Variants in LAMB4 observed in about 807,000 individuals in gnomAD.
LAMB4 encodes laminin subunit beta 4.
In LAMB4, 196 loss-of-function variants were observed where a neutral mutation model predicts 199.2. That is an observed-to-expected ratio of 0.98 (90% CI 0.88 to 1.11). The LOEUF (loss-of-function observed/expected upper bound fraction) is 1.11. Ranked by LOEUF, LAMB4 falls within the 50% of genes least tolerant of loss-of-function variation. LAMB4 has a pLI of 0.00. For synonymous variants in LAMB4, 744 were observed against 770.6 expected, an observed-to-expected ratio of 0.97 and a Z score of 0.57; for missense variants, 2,080 against 2,171.2, an observed-to-expected ratio of 0.96 and a Z score of 0.83.
At chr7:108,069,981 T>C in intron 17 of LAMB4, 96 bp from the exon 18 acceptor site, 1 of 941,972 alleles carries the variant, frequency 1.1e-6, no homozygotes, top group Non-Finnish European at 1.6e-6. Context: ...AAATAATGGT[T>C]CAAAGAAGAC....
intron 10 of LAMB4, among the ~76,000 whole-genome samples, chr7:108,101,237 C>G (rs1356465707): frequency 6.6e-6 from 1 of 152,152 alleles, no homozygotes; most frequent in Non-Finnish European, 1.5e-5. Context: ...CCGTTCAAGT[C>G]CCCACTGGCT....
chr7:108,091,423 G>T (rs865822132), intron 14 of LAMB4, among the ~76,000 whole-genome samples: 1 of 152,102 alleles, frequency 6.6e-6, no homozygotes, highest in South Asian at 2.1e-4. Context: ...GTAGACCTGG[G>T]ATACAAAGAT....
In LAMB4 at chr7:108,023,904, G is replaced by A; in HGVS notation, c.*135C>T. On this transcript the variant is annotated 3_prime_UTR_variant, in exon 34 of 34. Transcript: ENST00000388781. Reference sequence around the variant, plus strand: ...TTTCAACCTCCAGCCACACTGAGCAGGTGTCTAATAAGGACAGGGTGTGGG... The same window carrying A: ...TTTCAACCTCCAGCCACACTGAGCAAGTGTCTAATAAGGACAGGGTGTGGG... 1.8e-6 allele frequency: 1 copy of A among 560,534 alleles called. No homozygotes were observed. The highest frequency in any genetic ancestry group is 2.9e-6 in the Non-Finnish European group (1 of 348,368). The allele number at this position is 560,534 out of a possible 1,614,324, so 34.7% of individuals were successfully genotyped here. A position where few individuals can be genotyped will look rare whatever the true frequency, so the allele number is the denominator to read the frequency against.
chr7:108,049,152 C>T (rs1449690107), intron 27 of LAMB4, among the ~76,000 whole-genome samples, 174 bp downstream of exon 27: 1 of 150,580 alleles, frequency 6.6e-6, no homozygotes, highest in Non-Finnish European at 1.5e-5. Context: ...AAAAATAAGG[C>T]TTTTTATAGT....
chr7:108,073,296 G>A (rs1036688857), intron 17 of LAMB4, among the ~76,000 whole-genome samples: 2 of 152,196 alleles, frequency 1.3e-5, no homozygotes, highest in South Asian at 2.1e-4. Context: ...GTAAGCCACC[G>A]CGCCCGGCCA....
At chr7:108,106,992 T>C (rs1468697518) in intron 6 of LAMB4, among the ~76,000 whole-genome samples, 1 of 152,146 alleles carries the variant, frequency 6.6e-6, no homozygotes, top group Non-Finnish European at 1.5e-5. Flanking sequence ...GGAGCAGAAA[T>C]AAATGAAAGG....
In LAMB4 at chr7:108,063,425, T is replaced by G. The variant is rs574414805; in HGVS notation, c.3061+336A>C. Among the ~76,000 whole-genome samples the G allele has an allele frequency of 2.0e-5, 3 of 152,296 alleles. No individual in the cohort carries two copies. The East Asian group carries it at 5.8e-4, about 29-fold the overall frequency. The stretch of plus-strand genomic sequence containing the variant: ...TACAGCCTAGGAATTTGCATGTTAA[T>G]ACACCTCACCTCCCCACTGCTCTGG... On this transcript the variant is annotated intron_variant, in intron 22 of 33. Transcript: ENST00000388781.
At chr7:108,076,820 G>T in intron 17 of LAMB4, 124 bp downstream of exon 17, 2 of 1,024,698 alleles carry the variant, frequency 2.0e-6, no homozygotes, top group Non-Finnish European at 2.9e-6. Flanking sequence ...ATGCTATTAG[G>T]TGGCTTTTAT....
At chr7:108,122,994 A>G (rs2038651914) in intron 2 of LAMB4, 137 bp downstream of exon 2, 7 of 670,714 alleles carry the variant, frequency 1.0e-5, no homozygotes, top group Middle Eastern at 8.2e-4. Context: ...GCTTGACACA[A>G]TTACACAACA....
chr7:108,057,973 TAA>T, intron 23 of LAMB4, 45 bp from the exon 24 acceptor site: 1 of 1,267,926 alleles, frequency 7.9e-7, no homozygotes, highest in Non-Finnish European at 1.1e-6. Context: ...TTTTATGGTC[TAA>T]AAAAAAATGC....
downstream of LAMB4, among the ~76,000 whole-genome samples, chr7:108,019,548 C>T (rs2034646903): frequency 6.6e-6 from 1 of 152,114 alleles, no homozygotes; most frequent in African/African-American, 2.4e-5. Context: ...GCCTCTCCCA[C>T]AAACGACAAA....
In LAMB4 at chr7:108,029,121, A is replaced by C; in HGVS notation, c.5068T>G (p.Leu1690Val). ...TSTTGLTKET[L>V]GKVKQLKDAA... Reference sequence around the variant, plus strand: ...TCTTTTAGCTGTTTAACTTTTCCTAATGTCTCCTTTGTTAGTCCTGTAGTG... The same window carrying C: ...TCTTTTAGCTGTTTAACTTTTCCTACTGTCTCCTTTGTTAGTCCTGTAGTG... Residue 1690 changes from leucine to valine, a missense_variant, in exon 33 of 34, where the codon TTA (leucine) becomes GTA (valine). Physicochemically the swap from Leu to Val is conservative, Grantham distance 32. Coordinates refer to ENST00000388781, the MANE Select transcript of LAMB4 (RefSeq NM_007356.3). 3 of 1,613,992 alleles carry C rather than the reference A, an allele frequency of 1.9e-6. No homozygotes were observed. The highest frequency in any genetic ancestry group is 3.3e-4 in the Middle Eastern group (2 of 6,062).
chr7:108,053,834 T>C (rs1442858679), intron 25 of LAMB4, among the ~76,000 whole-genome samples: 4 of 152,200 alleles, frequency 2.6e-5, no homozygotes, highest in Non-Finnish European at 5.9e-5. Flanking sequence ...TTGTGGTCCA[T>C]GGGCCAAAGC....
rs1445456927 is a variant in LAMB4 at position 108,043,769 on chromosome 7, A to C, written c.4454T>G (p.Val1485Gly). 3.2e-6 allele frequency: 5 copies of C among 1,581,548 alleles called. No individual in the cohort carries two copies. The highest frequency in any genetic ancestry group is 4.3e-6 in the Non-Finnish European group (5 of 1,163,526). The change falls in exon 29 of 34, where the codon GTG (valine) becomes GGG (glycine). Residue 1485 changes from valine to glycine, a missense_variant. Transcript: ENST00000388781. ...EENINLFIKK[V>G]KNFLLEENVP... ...TAAATTACCTAACAAAAAGTTTTTC[A>C]CTTTTTTGATGAAAAGATTGATGTT... is the stretch of plus-strand genomic sequence containing the variant.
chr7:108,049,625 T>A (rs1271935051), intron 26 of LAMB4, 94 bp from the exon 27 acceptor site: 3 of 685,508 alleles, frequency 4.4e-6, no homozygotes, highest in Non-Finnish European at 7.0e-6. Flanking sequence ...ATTTGGCTAC[T>A]GTCTTGGTCT....
chr7:108,093,750 A>T (rs2037496090), intron 12 of LAMB4, among the ~76,000 whole-genome samples: 1 of 152,238 alleles, frequency 6.6e-6, no homozygotes, highest in South Asian at 2.1e-4. Context: ...AAATTTTAGT[A>T]GGTATGAAAT....
rs1428315363 is a variant in LAMB4, at chr7:108,079,660, C to A, written c.1828G>T (p.Ala610Ser). Residue 610 changes from alanine (A) to serine (S), a missense_variant, in exon 15 of 34, where the codon GCT (alanine) becomes TCT (serine). Physicochemically the swap from Ala to Ser is moderately conservative, Grantham distance 99. Coordinates refer to ENST00000388781, the MANE Select transcript of LAMB4 (RefSeq NM_007356.3). Reference sequence around the variant, plus strand: ...ACAGGAAAGGGAATGTTGTTGACAGCAAATCTCAAGCCAGCCCCAGGGAGA... The same window carrying A: ...ACAGGAAAGGGAATGTTGTTGACAGAAAATCTCAAGCCAGCCCCAGGGAGA... ...RVLPGAGLRF[A>S]VNNIPFPVDF... 6.2e-7 allele frequency: 1 copy of A among 1,612,922 alleles called. No individual in the cohort carries two copies. Among genetic ancestry groups the A allele is most frequent in the Non-Finnish European group, 8.5e-7 (1 of 1,179,656 alleles).
At chr7:108,061,763 A>C (rs1477970357) in intron 23 of LAMB4, among the ~76,000 whole-genome samples, 1 of 149,512 alleles carries the variant, frequency 6.7e-6, no homozygotes, top group East Asian at 1.9e-4. Context: ...AAAAAAAGAT[A>C]TGGTGTTTGT....
chr7:108,032,364 T>G (rs1263251572), intron 31 of LAMB4, among the ~76,000 whole-genome samples: 1 of 151,916 alleles, frequency 6.6e-6, no homozygotes, highest in Admixed American at 6.6e-5. Flanking sequence ...CACTCCAGCC[T>G]GGGTGATAGA....
Sources: allele counts gnomAD v4.1 joint callset (sites outside exome capture counted in the v4.1 genomes callset), GRCh38; gene constraint gnomAD v4.1.1; transcripts MANE v1.5; gene names NCBI Gene and HGNC (gene_info 2026-07-23, HGNC 2026-07-21).